LRIG1: variants seen among roughly 807,000 people sequenced by gnomAD.
LRIG1 encodes leucine rich repeats and immunoglobulin like domains 1, also known as leucine-rich repeats and immunoglobulin-like domains protein 1.
LRIG1 carries 48 observed loss-of-function variants against 99.2 expected under a neutral mutation model. The observed-to-expected ratio is 0.48, with a 90% CI of 0.38 to 0.62. LRIG1 has a LOEUF of 0.62. Ranked by LOEUF, LRIG1 falls within the 20% of genes least tolerant of loss-of-function variation. The pLI is 0.00. For synonymous variants in LRIG1, 772 were observed against 596.1 expected, an observed-to-expected ratio of 1.29 and a Z score of -4.30; for missense variants, 1,646 against 1,434.4, an observed-to-expected ratio of 1.15 and a Z score of -2.38.
At chr3:66,382,458 C>A (rs934729808) in intron 15 of LRIG1, 60 bp from the exon 16 acceptor site, 34 of 1,596,370 alleles carry the variant, frequency 2.1e-5, no homozygotes, top group South Asian at 3.3e-5. Flanking sequence ...TGCAGACACA[C>A]GTTCACTGTC....
chr3:66,451,309 T>TAA lies in LRIG1; in HGVS notation c.365+248_365+249dup, dbSNP rs35826327. 8.1e-3 allele frequency among the ~76,000 whole-genome samples: 1,169 copies of TAA among 145,106 alleles called. 17 individuals carry two copies. Among genetic ancestry groups the TAA allele is most frequent in the African/African-American group, 0.028 (1,084 of 39,402 alleles). Reference sequence around the variant, plus strand: ...TCTAGTTCCATATACCTCTGCGCATTAAAAAAAAAAAAGACAAAAGACCTA... The same window carrying TAA: ...TCTAGTTCCATATACCTCTGCGCATTAAAAAAAAAAAAAAGACAAAAGACCTA... On this transcript the variant is annotated intron_variant, in intron 3 of 18. Coordinates refer to ENST00000273261, the MANE Select transcript of LRIG1 (RefSeq NM_015541.3).
chr3:66,435,045 T>C (rs1427164628), intron 3 of LRIG1, among the ~76,000 whole-genome samples: 1 of 147,648 alleles, frequency 6.8e-6, no homozygotes, highest in East Asian at 1.9e-4. Context: ...ATTCTAGATG[T>C]CCTTCATCGG....
At chr3:66,408,957 T>TGGGGGGGGG (rs1288551507) in intron 7 of LRIG1, among the ~76,000 whole-genome samples, 1 of 66,726 alleles carries the variant, frequency 1.5e-5, no homozygotes, top group African/African-American at 6.0e-5. Context: ...TGTGTGTGTG[T>TGGGGGGGGG]GTGTGGTGGG....
At chr3:66,443,951 G>C (rs549118648) in intron 3 of LRIG1, among the ~76,000 whole-genome samples, 1 of 152,296 alleles carries the variant, frequency 6.6e-6, no homozygotes, top group East Asian at 1.9e-4. Context: ...GGGCAGGTGG[G>C]GACCCCAGTA....
intron 6 of LRIG1, 51 bp downstream of exon 6, chr3:66,412,817 ACAC>A: frequency 6.2e-7 from 1 of 1,601,784 alleles, no homozygotes; most frequent in South Asian, 1.1e-5. Context: ...ACGCCACATC[ACAC>A]CACACCGCAC....
chr3:66,491,095 C>A (rs1206201916), intron 1 of LRIG1, among the ~76,000 whole-genome samples: 2 of 151,880 alleles, frequency 1.3e-5, no homozygotes, highest in Admixed American at 1.3e-4. Flanking sequence ...GTTCCAGGAA[C>A]CTAGTTCTTT....
intron 1 of LRIG1, among the ~76,000 whole-genome samples, chr3:66,479,230 A>T (rs1700794185): frequency 6.6e-6 from 1 of 152,280 alleles, no homozygotes; most frequent in Non-Finnish European, 1.5e-5. Context: ...GAGGAAATGC[A>T]GAGAAAACGG....
chr3:66,459,613 C>T (rs967191254), intron 2 of LRIG1, among the ~76,000 whole-genome samples: 4 of 152,178 alleles, frequency 2.6e-5, no homozygotes, highest in Non-Finnish European at 5.9e-5. Context: ...TGTTCTATTT[C>T]CCCCATACCA....
chr3:66,425,122 G>A (rs1477515845), intron 3 of LRIG1, among the ~76,000 whole-genome samples: 1 of 152,224 alleles, frequency 6.6e-6, no homozygotes, highest in East Asian at 1.9e-4. Flanking sequence ...GCTTGCCCAA[G>A]GTCACACAGC....
chr3:66,400,998 C>T lies in LRIG1; in HGVS notation c.1161-1957G>A, dbSNP rs117587342. Among the ~76,000 whole-genome samples, 308 of 152,292 alleles carry T rather than the reference C, an allele frequency of 2.0e-3. 11 individuals carry two copies. In the East Asian group the frequency reaches 0.047, roughly 23 times the overall value. On this transcript the variant is annotated intron_variant, in intron 9 of 18. Transcript: ENST00000273261. ...GTTTCATCAGAAACAGACTCCCTCC[C>T]TGGGGGCCACCATTCAGGATGACCC... is the stretch of plus-strand genomic sequence containing the variant.
chr3:66,414,310 T>C (rs1315201169), intron 5 of LRIG1, among the ~76,000 whole-genome samples: 1 of 151,880 alleles, frequency 6.6e-6, no homozygotes, highest in Non-Finnish European at 1.5e-5. Context: ...GGCAGGAGAA[T>C]GGTGTGAACC....
intron 16 of LRIG1, 24 bp downstream of exon 16, chr3:66,382,249 G>A (rs1186317380): frequency 1.2e-6 from 2 of 1,613,702 alleles, no homozygotes; most frequent in Admixed American, 1.7e-5. Flanking sequence ...GCAGAGCTCT[G>A]CTTCACAGTT....
intron 12 of LRIG1, 170 bp from the exon 13 acceptor site, chr3:66,386,471 C>T (rs1701382345): frequency 1.6e-6 from 1 of 608,910 alleles, no homozygotes. Context: ...GCACCATGGA[C>T]ATCTGACCTC....
chr3:66,398,306 A>AG, intron 10 of LRIG1, 123 bp from the exon 11 acceptor site: 1 of 700,964 alleles, frequency 1.4e-6, no homozygotes, highest in Admixed American at 2.6e-5. Flanking sequence ...TAACTACTAT[A>AG]AGTGGCTGTT....
At chr3:66,458,788 G>A (rs895383973) in intron 2 of LRIG1, among the ~76,000 whole-genome samples, 3 of 151,990 alleles carry the variant, frequency 2.0e-5, no homozygotes, top group South Asian at 2.1e-4. Flanking sequence ...AGGCCAAGGC[G>A]GGTGGATCAC....
At chr3:66,431,939 C>T (rs1490683571) in intron 3 of LRIG1, among the ~76,000 whole-genome samples, 1 of 152,228 alleles carries the variant, frequency 6.6e-6, no homozygotes, top group African/African-American at 2.4e-5. Flanking sequence ...ATAGGGAATA[C>T]AGGATGTTGT....
chr3:66,399,972 C>T (rs1701997332), intron 9 of LRIG1, among the ~76,000 whole-genome samples: 1 of 152,214 alleles, frequency 6.6e-6, no homozygotes, highest in South Asian at 2.1e-4. Flanking sequence ...AGGGACCCCT[C>T]AGGGCCTGCA....
At chr3:66,466,480 AT>A (rs1260819113) in intron 1 of LRIG1, among the ~76,000 whole-genome samples, 1 of 151,902 alleles carries the variant, frequency 6.6e-6, no homozygotes, top group Non-Finnish European at 1.5e-5. Context: ...CAACATTGCC[AT>A]TTTTTTTCCA....
intron 3 of LRIG1, among the ~76,000 whole-genome samples, chr3:66,441,524 GA>G (rs1234220404): frequency 6.6e-6 from 1 of 152,196 alleles, no homozygotes; most frequent in Non-Finnish European, 1.5e-5. Flanking sequence ...TCGCATCAGT[GA>G]AAGAAAATCA....
Sources: allele counts gnomAD v4.1 joint callset (sites outside exome capture counted in the v4.1 genomes callset), GRCh38; gene constraint gnomAD v4.1.1; transcripts MANE v1.5; gene names NCBI Gene and HGNC (gene_info 2026-07-23, HGNC 2026-07-21).